Variants in LRRC4B observed in about 807,000 individuals in gnomAD.
LRRC4B encodes the protein leucine rich repeat containing 4B.
LRRC4B carries 1 observed loss-of-function variant against 7.3 expected under a neutral mutation model. The ratio of observed to expected loss-of-function variants is 0.14; its 90% CI spans 0.05 to 0.65. The LOEUF is 0.65. Ranked by LOEUF, LRRC4B falls within the 30% of genes least tolerant of loss-of-function variation. The pLI, the probability that LRRC4B is intolerant of heterozygous loss-of-function variation, is 0.84. For missense variants in LRRC4B, 730 were observed against 1,041.6 expected (o/e 0.70, Z 4.12); for synonymous variants, 500 against 499.2 (o/e 1.00, Z -0.02).
At chr19:50,549,119 C>T (rs1045299822) in intron 1 of LRRC4B, among the ~76,000 whole-genome samples, 1 of 152,208 alleles carries the variant, frequency 6.6e-6, no homozygotes, top group Admixed American at 6.5e-5. Context: ...TACGCCCATT[C>T]TGCAGCAGGG....
At chr19:50,565,144 T>C (rs1371856665) in intron 1 of LRRC4B, among the ~76,000 whole-genome samples, 2 of 152,298 alleles carry the variant, frequency 1.3e-5, no homozygotes, top group Admixed American at 6.5e-5. Flanking sequence ...CTCCCTGCAG[T>C]GCACACACGT....
chr19:50,559,549 G>T (rs1318070942), intron 1 of LRRC4B, among the ~76,000 whole-genome samples: 1 of 152,230 alleles, frequency 6.6e-6, no homozygotes, highest in East Asian at 1.9e-4. Context: ...ACTGGGCCCT[G>T]GCCTGGCATT....
In LRRC4B at chr19:50,517,617, A is replaced by G; in HGVS notation, c.2096T>C (p.Leu699Pro). ...PGLNSIHEPLLFKSGSKENVQ... is the reference protein window; with the variant it reads ...PGLNSIHEPLPFKSGSKENVQ... ...GTTCTCCTTGGAGCCGCTCTTGAAGAGCAGAGGTTCGTGGATGGAGTTGAG... is the reference window on the plus strand; with the variant it reads ...GTTCTCCTTGGAGCCGCTCTTGAAGGGCAGAGGTTCGTGGATGGAGTTGAG... Residue 699 changes from leucine (L) to proline (P), a missense_variant, in exon 3 of 3, where the codon CTC becomes CCC. Around this residue, in one of 6 missense-constraint regions of LRRC4B, gnomAD observed 160 missense variants for 163.9 expected, o/e 0.98. Coordinates refer to ENST00000652263, the MANE Select transcript of LRRC4B (RefSeq NM_001080457.2). This position sits in a 1 kb window ranked among gnomAD's most constrained non-coding sequence, Gnocchi z 6.6. The G allele has an allele frequency of 6.8e-7, 1 of 1,474,576 alleles. No individual in the cohort carries two copies. The highest frequency in any genetic ancestry group is 9.0e-7 in the Non-Finnish European group (1 of 1,114,882). The allele number at this position is 1,474,576 out of a possible 1,614,324, so 91.3% of individuals were successfully genotyped here.
chr19:50,556,585 C>G lies in LRRC4B; in HGVS notation c.-35-7712G>C, dbSNP rs535475304. On this transcript the variant is annotated intron_variant, in intron 1 of 2. Coordinates refer to ENST00000652263, the MANE Select transcript of LRRC4B (RefSeq NM_001080457.2). This position sits in a 1 kb window ranked among gnomAD's most constrained non-coding sequence, Gnocchi z 4.2. ...TCTTCACAGCTCGTGTCACGGCCACCCAGCACCTGATGCTCGGTGATTTGT... is the reference window on the plus strand; with the variant it reads ...TCTTCACAGCTCGTGTCACGGCCACGCAGCACCTGATGCTCGGTGATTTGT... Among the ~76,000 whole-genome samples, 50 of 152,306 alleles carry G rather than the reference C, an allele frequency of 3.3e-4. 1 individual carries two copies. Among genetic ancestry groups the G allele is most frequent in the African/African-American group, 1.2e-3 (49 of 41,560 alleles).
At chr19:50,561,944 A>G (rs1260907630) in intron 1 of LRRC4B, among the ~76,000 whole-genome samples, 1 of 150,864 alleles carries the variant, frequency 6.6e-6, no homozygotes, top group Non-Finnish European at 1.5e-5. Flanking sequence ...ATAAAATACA[A>G]ATAAATAAAT....
Position 50,518,905 on chromosome 19 carries a change from G to A in LRRC4B, c.808C>T (p.Arg270Cys). The A allele has an allele frequency of 1.2e-6, 2 of 1,614,044 alleles. No homozygotes were observed. Among genetic ancestry groups the A allele is most frequent in the Non-Finnish European group, 1.7e-6 (2 of 1,179,988 alleles). ...GACTTGAGGTCGTCGAAGGCGTTGC[G>A]CTCGATGGTGGCTACCTGGGCGTGC... ...LMHAQVATIERNAFDDLKSLE... is the reference protein window; with the variant it reads ...LMHAQVATIECNAFDDLKSLE... The change falls in exon 3 of 3, where the codon CGC (arginine) becomes TGC (cysteine). Residue 270 changes from arginine (R) to cysteine (C), a missense_variant. Arg to Cys is a radical substitution (Grantham distance 180, BLOSUM62 -3). Around this residue, in one of 6 missense-constraint regions of LRRC4B, gnomAD observed 226 missense variants for 448.0 expected, o/e 0.50. Coordinates refer to ENST00000652263, the MANE Select transcript of LRRC4B (RefSeq NM_001080457.2).
rs1980348990 is a variant in LRRC4B at position 50,517,786 on chromosome 19, C to T, written c.1927G>A (p.Gly643Ser). 4 of 1,531,296 alleles carry T rather than the reference C, an allele frequency of 2.6e-6. No homozygotes were observed. Among genetic ancestry groups the T allele is most frequent in the Non-Finnish European group, 3.5e-6 (4 of 1,145,424 alleles). 94.9% of individuals were successfully genotyped at this position (1,531,296 alleles called of 1,614,324 possible). A position where few individuals can be genotyped will look rare whatever the true frequency, so the allele number is the denominator to read the frequency against. The part of the protein sequence containing the change: ...AAAAAVASGG[G>S]VGGDSHLALP... ...GCCAGGTGGCTGTCCCCGCCCACAC[C>T]ACCCCCACTGGCCACGGCGGCCGCG... The change falls in exon 3 of 3, where the codon GGT (glycine) becomes AGT (serine). Residue 643 changes from glycine (G) to serine (S), a missense_variant. Physicochemically the swap from Gly to Ser is moderately conservative, Grantham distance 56. This residue lies in a region of LRRC4B where 160 missense variants were observed against 163.9 expected (regional missense o/e 0.98). Coordinates refer to ENST00000652263, the MANE Select transcript of LRRC4B (RefSeq NM_001080457.2). The surrounding 1 kb of genome is among the most constrained non-coding windows in gnomAD (Gnocchi z 6.6).
intron 2 of LRRC4B, among the ~76,000 whole-genome samples, chr19:50,521,771 A>C (rs964789393): frequency 2.7e-5 from 4 of 150,380 alleles, no homozygotes; most frequent in African/African-American, 7.4e-5. Context: ...TGTTGGCCAG[A>C]CTGTTCTTGA....
intron 1 of LRRC4B, among the ~76,000 whole-genome samples, chr19:50,552,428 C>T (rs1303478249): frequency 1.3e-5 from 2 of 152,092 alleles, no homozygotes; most frequent in East Asian, 3.9e-4. Flanking sequence ...CACAAAGGCC[C>T]CCACCCCTAG....
In LRRC4B at chr19:50,518,679, C is replaced by A; in HGVS notation, c.1034G>T (p.Gly345Val). 1 of 1,613,672 alleles carries A rather than the reference C, an allele frequency of 6.2e-7. No individual in the cohort carries two copies. The highest frequency in any genetic ancestry group is 8.5e-7 in the Non-Finnish European group (1 of 1,179,824). The change falls in exon 3 of 3, where the codon GGC becomes GTC. Residue 345 changes from glycine to valine, a missense_variant. By Grantham distance (109) the Gly-to-Val change is moderately radical (BLOSUM62 -3). Around this residue, in one of 6 missense-constraint regions of LRRC4B, gnomAD observed 226 missense variants for 448.0 expected, o/e 0.50. Transcript: ENST00000652263. Reference sequence around the variant, plus strand: ...CTCCCCAATGTAGCGCCCCTTGAGGCCGGCGGGCGCATGACAGCGGGCGCA... The same window carrying A: ...CTCCCCAATGTAGCGCCCCTTGAGGACGGCGGGCGCATGACAGCGGGCGCA... Reference protein sequence around the residue: ...TCCARCHAPAGLKGRYIGELD... With the variant: ...TCCARCHAPAVLKGRYIGELD...
At chr19:50,520,763 CCT>C (rs1457383405) in intron 2 of LRRC4B, among the ~76,000 whole-genome samples, 4 of 152,008 alleles carry the variant, frequency 2.6e-5, no homozygotes, top group Non-Finnish European at 5.9e-5. Context: ...ATTGGGAGAC[CCT>C]GTCTCTACAA....
At chr19:50,557,107 G>A (rs924004760) in intron 1 of LRRC4B, among the ~76,000 whole-genome samples, 2 of 152,176 alleles carry the variant, frequency 1.3e-5, no homozygotes, top group Non-Finnish European at 2.9e-5. Flanking sequence ...TGAGGCCGCG[G>A]CTGGAGCCAC....
chr19:50,529,691 G>A (rs2122813477), intron 2 of LRRC4B, among the ~76,000 whole-genome samples: 1 of 152,186 alleles, frequency 6.6e-6, no homozygotes, highest in Admixed American at 6.5e-5. Context: ...TGTAATCCCA[G>A]CTACTCAGGA....
At chr19:50,524,890 G>A (rs1412453757) in intron 2 of LRRC4B, among the ~76,000 whole-genome samples, 2 of 152,118 alleles carry the variant, frequency 1.3e-5, no homozygotes, top group African/African-American at 2.4e-5. Flanking sequence ...GCCCAGGGAC[G>A]CTCTGTGGAC....
rs1490025985 is a variant in LRRC4B, at chr19:50,556,146, A to G, written c.-35-7273T>C. ...AGGGAAAGGGCAGTCCAGGCCCCCT[A>G]GGAGCTGCTGATGAGGAAGCAGGAC... On this transcript the variant is annotated intron_variant, in intron 1 of 2. Transcript: ENST00000652263. This position sits in a 1 kb window ranked among gnomAD's most constrained non-coding sequence, Gnocchi z 4.2. 6.6e-6 allele frequency among the ~76,000 whole-genome samples: 1 copy of G among 152,090 alleles called. No homozygotes were observed. The highest frequency in any genetic ancestry group is 1.5e-5 in the Non-Finnish European group (1 of 67,976).
rs951228496 is a variant in LRRC4B, at chr19:50,540,204, G to A, written c.297+8338C>T. Among the ~76,000 whole-genome samples the A allele has an allele frequency of 5.9e-5, 9 of 152,220 alleles. 1 individual carries two copies. Among genetic ancestry groups the A allele is most frequent in the Middle Eastern group, 3.4e-3 (1 of 292 alleles). On this transcript the variant is annotated intron_variant, in intron 2 of 2. Transcript: ENST00000652263. ...TGGGCACAGTGATTCATTGAACCCA[G>A]GGGTCCGCAACCCCTAGGCCACAGA...
chr19:50,549,467 T>C (rs1045456291), intron 1 of LRRC4B, among the ~76,000 whole-genome samples: 18 of 148,470 alleles, frequency 1.2e-4, no homozygotes, highest in African/African-American at 3.8e-4. Flanking sequence ...CCCCACCCCC[T>C]GTGCCCTCAG....
intron 1 of LRRC4B, among the ~76,000 whole-genome samples, chr19:50,560,194 G>A (rs1306574900): frequency 6.6e-6 from 1 of 152,110 alleles, no homozygotes; most frequent in Admixed American, 6.5e-5. Context: ...CTAGGGTGAG[G>A]CTGTCATTCT....
At chr19:50,566,190 C>G (rs545326465) in intron 1 of LRRC4B, among the ~76,000 whole-genome samples, 2 of 127,972 alleles carry the variant, frequency 1.6e-5, no homozygotes, top group Admixed American at 1.8e-4. Flanking sequence ...TGGCCGCGGT[C>G]CGGGGGTGGG....
Sources: allele counts gnomAD v4.1 joint callset (sites outside exome capture counted in the v4.1 genomes callset), GRCh38; gene constraint gnomAD v4.1.1; regional missense constraint gnomAD v4.1.1; non-coding constraint Gnocchi (gnomAD v3.1); transcripts MANE v1.5; gene names NCBI Gene and HGNC (gene_info 2026-07-23, HGNC 2026-07-21).